Variants in PLXNC1 observed in about 807,000 individuals in gnomAD.
The protein encoded by PLXNC1 is plexin C1, also known as plexin-C1.
Under a neutral mutation model 178.2 loss-of-function variants are expected in PLXNC1, and 75 were observed. The observed-to-expected ratio is 0.42, with a 90% CI of 0.35 to 0.51. The LOEUF (loss-of-function observed/expected upper bound fraction) is 0.51, where lower values mean the gene tolerates loss of function less well. Among genes scored for constraint, PLXNC1 ranks in the 20% least tolerant of loss-of-function variants. The pLI, the probability that PLXNC1 is intolerant of heterozygous loss-of-function variation, is 0.02. For synonymous variants in PLXNC1, 790 were observed against 779.9 expected, an observed-to-expected ratio of 1.01 and a Z score of -0.22; for missense variants, 1,503 against 1,984.4, an observed-to-expected ratio of 0.76 and a Z score of 4.61.
Position 94,303,763 on chromosome 12 carries a change from C to A in PLXNC1, c.4394C>A (p.Pro1465Gln). Residue 1465 changes from proline (P) to glutamine (Q), a missense_variant, in exon 29 of 31, where the codon CCA (proline) becomes CAA (glutamine). By Grantham distance (76) the Pro-to-Gln change is moderately conservative. Coordinates refer to ENST00000258526, the MANE Select transcript of PLXNC1 (RefSeq NM_005761.3). ...LTEQQLGKEA[P>Q]TNKLLYAKDI... is the part of the protein sequence containing the mutation. ...TTTTTTTTTTTTCCCCAGGAAGCAC[C>A]AACTAATAAGCTTCTCTATGCCAAG... is the stretch of plus-strand genomic sequence containing the variant. 1 of 1,439,756 alleles carries A rather than the reference C, an allele frequency of 6.9e-7. No individual in the cohort carries two copies. Among genetic ancestry groups the A allele is most frequent in the Non-Finnish European group, 9.2e-7 (1 of 1,086,116 alleles). The allele number at this position is 1,439,756 out of a possible 1,614,324, so 89.2% of individuals were successfully genotyped here. A position where few individuals can be genotyped will look rare whatever the true frequency, so the allele number is the denominator to read the frequency against.
In PLXNC1 at chr12:94,241,033, G is replaced by C. The variant is rs1964372328; in HGVS notation, c.2300+369G>C. On this transcript the variant is annotated intron_variant, in intron 11 of 30. Coordinates refer to ENST00000258526, the MANE Select transcript of PLXNC1 (RefSeq NM_005761.3). ...GACTTTAGATACTTTAAGCTGTTTT[G>C]AATTCTTTGGGGGAAATATTGGGAG... Among the ~76,000 whole-genome samples, 4 of 152,006 alleles carry C rather than the reference G, an allele frequency of 2.6e-5. No individual in the cohort carries two copies. The South Asian group carries it at 8.3e-4, about 32-fold the overall frequency.
In PLXNC1 at chr12:94,282,117, TAAAC is replaced by T. The variant is rs777238714; in HGVS notation, c.3776-169_3776-166del. 1.8e-4 allele frequency: 96 copies of T among 526,448 alleles called. 1 individual carries two copies. Among genetic ancestry groups the T allele is most frequent in the East Asian group, 9.2e-4 (29 of 31,496 alleles). The allele number at this position is 526,448 out of a possible 1,614,324, so 32.6% of individuals were successfully genotyped here. A position where few individuals can be genotyped will look rare whatever the true frequency, so the allele number is the denominator to read the frequency against. ...GAAGTGGTTTGAAACATCAGAGCCC[TAAAC>T]AAACAAACAAAGTAAAACAGAACTC... On this transcript the variant is annotated intron_variant, in intron 22 of 30. Coordinates refer to ENST00000258526, the MANE Select transcript of PLXNC1 (RefSeq NM_005761.3).
At chr12:94,287,889 C>T (rs1013902600) in intron 23 of PLXNC1, among the ~76,000 whole-genome samples, 4 of 152,222 alleles carry the variant, frequency 2.6e-5, no homozygotes, top group Admixed American at 6.5e-5. Flanking sequence ...CAGCTCTTTC[C>T]GTCTTCTTTA....
chr12:94,197,437 T>C lies in PLXNC1; in HGVS notation c.1439+10964T>C, dbSNP rs61926949. On this transcript the variant is annotated intron_variant, in intron 4 of 30. Transcript: ENST00000258526. Reference sequence around the variant, plus strand: ...TGATAAAATGATACATTAGGCCCCTTTCTCTCTCTCTCTCTCTCTCTCTGT... The same window carrying C: ...TGATAAAATGATACATTAGGCCCCTCTCTCTCTCTCTCTCTCTCTCTCTGT... Among the ~76,000 whole-genome samples the C allele has an allele frequency of 2.9e-3, 437 of 148,600 alleles. 2 individuals carry two copies. The highest frequency in any genetic ancestry group is 7.8e-3 in the African/African-American group (315 of 40,198).
intron 2 of PLXNC1, among the ~76,000 whole-genome samples, chr12:94,172,737 G>A (rs2135945476): frequency 6.6e-6 from 1 of 151,968 alleles, no homozygotes; most frequent in African/African-American, 2.4e-5. Context: ...CTATTATTTG[G>A]GTACATTATT....
At chr12:94,150,147 A>G in intron 1 of PLXNC1, 114 bp downstream of exon 1, 1 of 884,822 alleles carries the variant, frequency 1.1e-6, no homozygotes, top group Non-Finnish European at 1.7e-6. Flanking sequence ...GCCGGGTGAC[A>G]TTTACCAGGT....
intron 21 of PLXNC1, among the ~76,000 whole-genome samples, chr12:94,272,894 T>C (rs913975885): frequency 1.3e-5 from 2 of 152,208 alleles, no homozygotes; most frequent in Non-Finnish European, 2.9e-5. Context: ...AGATCGCCTA[T>C]GTCCAGCCTG....
chr12:94,183,460 C>G (rs533860549), intron 3 of PLXNC1, among the ~76,000 whole-genome samples: 2 of 152,322 alleles, frequency 1.3e-5, no homozygotes, highest in South Asian at 4.1e-4. Context: ...ACCCAACAAA[C>G]TGCACATATT....
intron 2 of PLXNC1, among the ~76,000 whole-genome samples, chr12:94,177,962 A>G (rs1431161920): frequency 6.6e-6 from 1 of 152,244 alleles, no homozygotes; most frequent in Non-Finnish European, 1.5e-5. Context: ...CCATAATGCC[A>G]TGATCACAGC....
At position 94,248,301 on chromosome 12, in the gene PLXNC1, A is replaced by G; in HGVS notation, c.2667A>G (p.Leu889=). ...TCTTCCATGGGGAAAATGGGCAATTAAATTGCAGTTTTGAAAATATTACTA... is the reference window on the plus strand; with the variant it reads ...TCTTCCATGGGGAAAATGGGCAATTGAATTGCAGTTTTGAAAATATTACTA... ...ITLFHGENGQ[L]NCSFENITRN... Residue 889 remains leucine (L), a synonymous_variant, in exon 14 of 31, where the codon TTA becomes TTG. Coordinates refer to ENST00000258526, the MANE Select transcript of PLXNC1 (RefSeq NM_005761.3). 6.2e-7 allele frequency: 1 copy of G among 1,613,398 alleles called. No individual in the cohort carries two copies. The highest frequency in any genetic ancestry group is 1.7e-4 in the Middle Eastern group (1 of 6,060).
At chr12:94,212,329 GTTA>G (rs1254970347) in intron 5 of PLXNC1, among the ~76,000 whole-genome samples, 1 of 149,574 alleles carries the variant, frequency 6.7e-6, no homozygotes, top group Non-Finnish European at 1.5e-5. Context: ...AATTATTATT[GTTA>G]TTATTTATTA....
intron 11 of PLXNC1, among the ~76,000 whole-genome samples, chr12:94,243,373 A>G (rs1185700607): frequency 6.6e-6 from 1 of 152,224 alleles, no homozygotes; most frequent in Non-Finnish European, 1.5e-5. Context: ...GAGAAACGTG[A>G]AGTTATTTGG....
At chr12:94,292,959 G>A (rs1349275542) in intron 23 of PLXNC1, among the ~76,000 whole-genome samples, 1 of 152,174 alleles carries the variant, frequency 6.6e-6, no homozygotes, top group African/African-American at 2.4e-5. Context: ...TACCACCCAT[G>A]TCAAAAAATA....
intron 3 of PLXNC1, 27 bp downstream of exon 3, chr12:94,181,607 C>T (rs1962309166): frequency 1.0e-5 from 16 of 1,560,642 alleles, no homozygotes; most frequent in Non-Finnish European, 1.4e-5. Context: ...GTTATTGCTT[C>T]TGATTTATGA....
At chr12:94,164,448 C>CCCGAAG (rs35652125) in intron 1 of PLXNC1, among the ~76,000 whole-genome samples, 1 of 2,778 alleles carries the variant, frequency 3.6e-4, no homozygotes, top group Non-Finnish European at 7.7e-4. Context: ...GAGCACCCTG[C>CCCGAAG]CTCGATGAGC....
chr12:94,268,244 C>T (rs145954482), intron 21 of PLXNC1, among the ~76,000 whole-genome samples: 2 of 152,286 alleles, frequency 1.3e-5, no homozygotes, highest in Admixed American at 1.3e-4. Context: ...TTTTCTAGAA[C>T]ATAAAGGCAT....
At chr12:94,226,741 C>T in intron 8 of PLXNC1, 34 bp downstream of exon 8, 1 of 1,463,884 alleles carries the variant, frequency 6.8e-7, no homozygotes, top group South Asian at 1.1e-5. Flanking sequence ...TAAGTCTTAA[C>T]CGCCGGGCAT....
chr12:94,175,516 A>T (rs2135949704), intron 2 of PLXNC1, among the ~76,000 whole-genome samples: 1 of 152,328 alleles, frequency 6.6e-6, no homozygotes, highest in South Asian at 2.1e-4. Context: ...AGTTAATTTC[A>T]GCAGTGTAGT....
At chr12:94,169,460 A>G (rs926395826) in intron 2 of PLXNC1, among the ~76,000 whole-genome samples, 167 bp downstream of exon 2, 1 of 152,140 alleles carries the variant, frequency 6.6e-6, no homozygotes, top group Non-Finnish European at 1.5e-5. Flanking sequence ...GGAATTCTGT[A>G]TGTAAGAATG....
Sources: gnomAD v4.1 joint callset for allele counts (sites outside exome capture counted in the v4.1 genomes callset) on GRCh38, gnomAD v4.1.1 for gene constraint, MANE v1.5 for transcripts, NCBI Gene and HGNC (gene_info 2026-07-23, HGNC 2026-07-21) for gene names.